The following TUSC3 variants were observed in gnomAD, a reference collection of about 807,000 sequenced individuals.
TUSC3 encodes dolichyl-diphosphooligosaccharide--protein glycosyltransferase subunit TUSC3.
Under a neutral mutation model 44.8 loss-of-function variants are expected in TUSC3, and 45 were observed. That is an observed-to-expected ratio of 1.00 (90% confidence interval 0.79 to 1.29). The LOEUF is 1.29. TUSC3 is among the 50% of genes most tolerant of loss of function. TUSC3 has a pLI of 0.00. For synonymous variants in TUSC3, 212 were observed against 152.9 expected (o/e 1.39, Z -2.85); for missense variants, 519 against 437.9 (o/e 1.19, Z -1.65).
intron 1 of TUSC3, among the ~76,000 whole-genome samples, chr8:15,599,282 G>T (rs1035723014): frequency 1.4e-4 from 21 of 151,668 alleles, no homozygotes; most frequent in Non-Finnish European, 2.7e-4. Flanking sequence ...GGGTTGTTTT[G>T]TTCTTATTGA....
At chr8:15,747,984 T>C (rs556098483) in intron 8 of TUSC3, among the ~76,000 whole-genome samples, 1 of 152,154 alleles carries the variant, frequency 6.6e-6, no homozygotes, top group African/African-American at 2.4e-5. Context: ...CCTGCTAATA[T>C]AGCCAATGCT....
rs1032751921 is a variant in TUSC3, at chr8:15,743,621, C to G, written c.937+9C>G. On this transcript the variant is annotated intron_variant, in intron 8 of 10. Coordinates refer to ENST00000503731, the MANE Select transcript of TUSC3 (RefSeq NM_006765.4). ...TGTTGGAAAAAGACGGAGTAAGTCTCTGTGTTGCCATTTTTGTAATTTCGT... is the reference window on the plus strand; with the variant it reads ...TGTTGGAAAAAGACGGAGTAAGTCTGTGTGTTGCCATTTTTGTAATTTCGT... The G allele has an allele frequency of 2.5e-6, 4 of 1,613,702 alleles. No homozygotes were observed. In the African/African-American group the frequency reaches 5.3e-5, roughly 22 times the overall value.
chr8:15,611,028 G>C (rs983881721), intron 1 of TUSC3, among the ~76,000 whole-genome samples: 3 of 152,168 alleles, frequency 2.0e-5, no homozygotes, highest in Non-Finnish European at 4.4e-5. Flanking sequence ...TGTGATATTA[G>C]AATAACTTAA....
the TUSC3 span, among the ~76,000 whole-genome samples, chr8:15,844,906 C>T: frequency 0.46 from 69,989 of 151,962 alleles, 17,663 homozygotes; most frequent in Non-Finnish European, 0.58. Flanking sequence ...CTGAGATGAT[C>T]GTGAGTGGTC....
At chr8:15,472,588 C>T (rs1031700735) in intron 1 of TUSC3, among the ~76,000 whole-genome samples, 1 of 152,070 alleles carries the variant, frequency 6.6e-6, no homozygotes, top group Non-Finnish European at 1.5e-5. Flanking sequence ...CAGAGTGGGA[C>T]ATCAAAGTGG....
Position 15,765,896 on chromosome 8 carries a change from T to C in TUSC3, c.*1740T>C, listed in dbSNP as rs1333867528. ...GTCAAATTTTACAAGTATTAAACATTTGTTAATTATAATCACTTTTGTTTG... is the reference window on the plus strand; with the variant it reads ...GTCAAATTTTACAAGTATTAAACATCTGTTAATTATAATCACTTTTGTTTG... On this transcript the variant is annotated 3_prime_UTR_variant, in exon 11 of 11. Coordinates refer to ENST00000503731, the MANE Select transcript of TUSC3 (RefSeq NM_006765.4). The C allele has an allele frequency of 1.3e-5, 2 of 152,078 alleles. No individual in the cohort carries two copies. Among genetic ancestry groups the C allele is most frequent in the Non-Finnish European group, 2.9e-5 (2 of 67,948 alleles). The allele number at this position is 152,078 out of a possible 1,614,324, so 9.4% of individuals were successfully genotyped here. A position where few individuals can be genotyped will look rare whatever the true frequency, so the allele number is the denominator to read the frequency against.
At chr8:15,504,612 TATATATA>T (rs1344316977) in intron 2 of TUSC3, among the ~76,000 whole-genome samples, 152 of 29,382 alleles carry the variant, frequency 5.2e-3, no homozygotes, top group Admixed American at 0.01. Context: ...TATATATATA[TATATATA>T]TATTTTTTTT....
intron 2 of TUSC3, among the ~76,000 whole-genome samples, chr8:15,517,052 C>A (rs550526783): frequency 6.6e-6 from 1 of 152,108 alleles, no homozygotes; most frequent in Non-Finnish European, 1.5e-5. Flanking sequence ...TCCTTTTGTG[C>A]CTTTATACCC....
chr8:15,446,607 A>G (rs1800107030), intron 1 of TUSC3, among the ~76,000 whole-genome samples: 1 of 151,534 alleles, frequency 6.6e-6, no homozygotes, highest in Non-Finnish European at 1.5e-5. Context: ...GGCGCCTGCA[A>G]TCCCAGGCGC....
chr8:15,841,096 T>G, the TUSC3 span, among the ~76,000 whole-genome samples: 9 of 152,148 alleles, frequency 5.9e-5, no homozygotes, highest in Non-Finnish European at 1.3e-4. Context: ...TTGGCATTAA[T>G]TATCACAGCC....
At chr8:15,631,169 A>G (rs1805745676) in intron 2 of TUSC3, among the ~76,000 whole-genome samples, 1 of 152,112 alleles carries the variant, frequency 6.6e-6, no homozygotes, top group Admixed American at 6.6e-5. Context: ...TTCAGGCTTG[A>G]GTGAATCCAT....
intron 1 of TUSC3, among the ~76,000 whole-genome samples, chr8:15,612,660 C>T (rs1275460542): frequency 1.3e-5 from 2 of 152,098 alleles, no homozygotes; most frequent in South Asian, 2.1e-4. Flanking sequence ...GGCATCTGAA[C>T]GTATTATGAC....
the TUSC3 span, among the ~76,000 whole-genome samples, chr8:15,780,786 C>T: frequency 6.6e-6 from 1 of 152,118 alleles, no homozygotes; most frequent in Non-Finnish European, 1.5e-5. Context: ...CAGCTACCAC[C>T]TGAGGGGCTA....
chr8:15,650,755 T>G lies in TUSC3; in HGVS notation c.367T>G (p.Cys123Gly). 1 of 1,614,190 alleles carries G rather than the reference T, an allele frequency of 6.2e-7. No individual in the cohort carries two copies. Among genetic ancestry groups the G allele is most frequent in the Non-Finnish European group, 8.5e-7 (1 of 1,180,028 alleles). The stretch of plus-strand genomic sequence containing the variant: ...CTCCTGGCGCTATTCATCTGCTTTT[T>G]GTAACAAGCTCTTCTTCAGTATGGT... ...ANSWRYSSAF[C>G]NKLFFSMVDY... is the part of the protein sequence containing the mutation. The change falls in exon 3 of 11, where the codon TGT becomes GGT. Residue 123 changes from cysteine (C) to glycine (G), a missense_variant. Physicochemically the swap from Cys to Gly is radical, Grantham distance 159. Transcript: ENST00000503731.
Position 15,650,705 on chromosome 8 carries a change from A to G in TUSC3, c.317A>G (p.Asn106Ser). 1.2e-6 allele frequency: 2 copies of G among 1,613,790 alleles called. No individual in the cohort carries two copies. The highest frequency in any genetic ancestry group is 2.2e-5 in the East Asian group (1 of 44,868). The change falls in exon 3 of 11, where the codon AAT becomes AGT. Residue 106 changes from asparagine (N) to serine (S), a missense_variant. By Grantham distance (46) the Asn-to-Ser change is conservative (BLOSUM62 1). Coordinates refer to ENST00000503731, the MANE Select transcript of TUSC3 (RefSeq NM_006765.4). ...QRQCSVCRQANEEYQILANSW... is the reference protein window; with the variant it reads ...QRQCSVCRQASEEYQILANSW... Reference sequence around the variant, plus strand: ...CCCATTATTCTTATCAGGCAAGCTAATGAAGAATATCAAATACTGGCGAAC... The same window carrying G: ...CCCATTATTCTTATCAGGCAAGCTAGTGAAGAATATCAAATACTGGCGAAC...
At chr8:15,503,378 C>T (rs1800995914) in intron 2 of TUSC3, among the ~76,000 whole-genome samples, 1 of 152,150 alleles carries the variant, frequency 6.6e-6, no homozygotes, top group Non-Finnish European at 1.5e-5. Flanking sequence ...GTCTGTGGCA[C>T]TGTGCTATGG....
intron 1 of TUSC3, among the ~76,000 whole-genome samples, chr8:15,594,004 C>T (rs1181402464): frequency 3.3e-5 from 5 of 152,158 alleles, no homozygotes; most frequent in African/African-American, 1.2e-4. Context: ...CATGTACTAA[C>T]GATACTATAT....
intron 1 of TUSC3, among the ~76,000 whole-genome samples, chr8:15,609,771 C>T (rs1321091918): frequency 6.6e-6 from 1 of 151,404 alleles, no homozygotes; most frequent in East Asian, 1.9e-4. Context: ...AACATGTTTT[C>T]ACTGTACATT....
At chr8:15,443,428 G>T (rs1800047927) in intron 1 of TUSC3, among the ~76,000 whole-genome samples, 1 of 150,238 alleles carries the variant, frequency 6.7e-6, no homozygotes, top group Non-Finnish European at 1.5e-5. Context: ...TGAACTTCTG[G>T]GCTCGAGTGA....
Sources: gnomAD v4.1 joint callset for allele counts (sites outside exome capture counted in the v4.1 genomes callset) on GRCh38, gnomAD v4.1.1 for gene constraint, MANE v1.5 for transcripts, NCBI Gene and HGNC (gene_info 2026-07-23, HGNC 2026-07-21) for gene names.